Variants in RANBP2 observed in about 807,000 individuals in gnomAD.
RANBP2 encodes the protein RAN binding protein 2.
A neutral mutation model predicts 303.6 loss-of-function variants in RANBP2; 57 were observed. That is an observed-to-expected ratio of 0.19 (90% CI 0.15 to 0.23). The LOEUF (loss-of-function observed/expected upper bound fraction) is 0.23. Ranked by LOEUF, RANBP2 falls within the 10% of genes least tolerant of loss-of-function variation. RANBP2 has a pLI of 1.00. For missense variants in RANBP2, 3,138 were observed against 3,780.8 expected (o/e 0.83, Z 4.46); for synonymous variants, 1,167 against 1,301.5 (o/e 0.90, Z 2.23).
the RANBP2 span, among the ~76,000 whole-genome samples, chr2:109,336,514 G>A: frequency 1.3e-5 from 2 of 152,222 alleles, no homozygotes; most frequent in Non-Finnish European, 2.9e-5. Context: ...TCGCTGTGAG[G>A]CCCCGTGTAC....
chr2:109,134,169 A>G, the RANBP2 span, among the ~76,000 whole-genome samples: 8 of 152,124 alleles, frequency 5.3e-5, no homozygotes, highest in African/African-American at 1.9e-4. Flanking sequence ...AGTGGCTGGT[A>G]TAATTATTAT....
chr2:109,283,139 C>A, the RANBP2 span, among the ~76,000 whole-genome samples: 186 of 152,312 alleles, frequency 1.2e-3, no homozygotes, highest in African/African-American at 3.1e-3. Flanking sequence ...AATAAAAATG[C>A]CCAGGGTACA....
At chr2:109,250,941 C>T in the RANBP2 span, among the ~76,000 whole-genome samples, 1 of 151,744 alleles carries the variant, frequency 6.6e-6, no homozygotes, top group Admixed American at 6.6e-5. Flanking sequence ...TCTAAATTAA[C>T]GTTGTTTAGG....
intron 25 of RANBP2, 119 bp from the exon 26 acceptor site, chr2:108,781,150 C>T: frequency 9.4e-7 from 1 of 1,058,660 alleles, no homozygotes; most frequent in South Asian, 1.5e-5. Context: ...TAATTTTAAA[C>T]ATTTAAAATT....
At chr2:109,192,056 C>G in the RANBP2 span, among the ~76,000 whole-genome samples, 19 of 152,156 alleles carry the variant, frequency 1.2e-4, no homozygotes, top group African/African-American at 4.6e-4. Flanking sequence ...TTGAATTTGT[C>G]TACCTGCACC....
At chr2:108,786,142 T>C (rs1158232235), downstream of RANBP2, among the ~76,000 whole-genome samples, 1 of 150,016 alleles carries the variant, frequency 6.7e-6, no homozygotes, top group Non-Finnish European at 1.5e-5. Flanking sequence ...AAAAAAAAAG[T>C]TTTTTTTCCA....
chr2:109,498,140 C>T, the RANBP2 span, among the ~76,000 whole-genome samples: 4 of 152,170 alleles, frequency 2.6e-5, no homozygotes, highest in East Asian at 1.9e-4. Context: ...GAGGTGCCTC[C>T]GCCTGCCCTC....
chr2:108,757,934 C>A (rs1460053630), intron 17 of RANBP2, among the ~76,000 whole-genome samples: 1 of 152,080 alleles, frequency 6.6e-6, no homozygotes, highest in African/African-American at 2.4e-5. Context: ...AAATTTTTAA[C>A]AAATTAAGAA....
the RANBP2 span, among the ~76,000 whole-genome samples, chr2:109,292,588 C>T: frequency 1.3e-5 from 2 of 152,160 alleles, no homozygotes; most frequent in Non-Finnish European, 2.9e-5. Flanking sequence ...ACATTGCATT[C>T]CCTGATTTCT....
At chr2:109,047,336 A>C in the RANBP2 span, among the ~76,000 whole-genome samples, 1 of 152,198 alleles carries the variant, frequency 6.6e-6, no homozygotes, top group Non-Finnish European at 1.5e-5. Flanking sequence ...TCATGTTAGC[A>C]GGGGACTCTT....
chr2:109,109,901 A>G, the RANBP2 span, among the ~76,000 whole-genome samples: 4 of 152,068 alleles, frequency 2.6e-5, no homozygotes, highest in Non-Finnish European at 5.9e-5. Context: ...GCCACCCCCA[A>G]TATGGGAAAT....
the RANBP2 span, among the ~76,000 whole-genome samples, chr2:108,880,227 A>C: frequency 2.7e-5 from 4 of 146,180 alleles, no homozygotes; most frequent in Non-Finnish European, 3.0e-5. Flanking sequence ...AAACAAACAA[A>C]AAAAAAAACG....
the RANBP2 span, among the ~76,000 whole-genome samples, chr2:109,051,940 G>A: frequency 6.6e-6 from 1 of 152,038 alleles, no homozygotes; most frequent in Non-Finnish European, 1.5e-5. Flanking sequence ...AGTAGAGACC[G>A]GGTTTCACCG....
At chr2:109,619,151 A>T in the RANBP2 span, among the ~76,000 whole-genome samples, 1 of 152,242 alleles carries the variant, frequency 6.6e-6, no homozygotes, top group Non-Finnish European at 1.5e-5. Context: ...ATAAGAAAAT[A>T]GAGGTTAATG....
chr2:109,030,432 A>G, the RANBP2 span, among the ~76,000 whole-genome samples: 1 of 152,238 alleles, frequency 6.6e-6, no homozygotes, highest in African/African-American at 2.4e-5. Flanking sequence ...GGTGTGCCAT[A>G]CCCTGCCAAA....
chr2:109,495,040 A>C, the RANBP2 span, among the ~76,000 whole-genome samples: 1 of 152,186 alleles, frequency 6.6e-6, no homozygotes, highest in Non-Finnish European at 1.5e-5. Context: ...CAGTCTCGTA[A>C]GTAGACTTAT....
At chr2:109,553,230 A>C in the RANBP2 span, 6 of 1,613,042 alleles carry the variant, frequency 3.7e-6, no homozygotes, top group Non-Finnish European at 5.1e-6. Context: ...CTAAAAAGTT[A>C]TTTGTGTTAC....
chr2:108,741,598 C>T (rs1341167256), intron 7 of RANBP2, among the ~76,000 whole-genome samples: 4 of 142,016 alleles, frequency 2.8e-5, no homozygotes, highest in East Asian at 4.2e-4. Flanking sequence ...CTCCACCTCC[C>T]GAGTTCACGC....
the RANBP2 span, among the ~76,000 whole-genome samples, chr2:109,592,806 A>T: frequency 3.9e-5 from 6 of 152,028 alleles, no homozygotes; most frequent in African/African-American, 1.2e-4. Flanking sequence ...CGAAAAAAGA[A>T]ACAGAAAAAA....
Sources: gnomAD v4.1 joint callset for allele counts (sites outside exome capture counted in the v4.1 genomes callset) on GRCh38, gnomAD v4.1.1 for gene constraint, MANE v1.5 for transcripts, NCBI Gene and HGNC (gene_info 2026-07-23, HGNC 2026-07-21) for gene names.